The following VPS53 variants were observed in gnomAD, a reference collection of about 807,000 sequenced individuals.
The protein encoded by VPS53 is vacuolar protein sorting-associated protein 53 homolog.
Under a neutral mutation model 107.0 loss-of-function variants are expected in VPS53, and 70 were observed. The observed-to-expected ratio is 0.65, with a 90% CI of 0.54 to 0.80. The LOEUF (loss-of-function observed/expected upper bound fraction) is 0.80, where lower values mean the gene tolerates loss of function less well. Ranked by LOEUF, VPS53 falls within the 30% of genes least tolerant of loss-of-function variation. VPS53 has a pLI of 0.00. For missense variants in VPS53, 917 were observed against 1,049.4 expected (o/e 0.87, Z 1.74); for synonymous variants, 409 against 393.3 (o/e 1.04, Z -0.47).
Position 519,040 on chromosome 17 carries a change from A to C in VPS53, c.*88T>G. ...GAAGTTTGAAGACCGACGATGTGAG[A>C]GTGCCGGGGAGCACAGGAGAGGTTG... On this transcript the variant is annotated 3_prime_UTR_variant, in exon 22 of 22. Coordinates refer to ENST00000437048, the MANE Select transcript of VPS53 (RefSeq NM_001128159.3). The surrounding 1 kb of genome is among the most constrained non-coding windows in gnomAD (Gnocchi z 5.0). 7.3e-7 allele frequency: 1 copy of C among 1,360,578 alleles called. No individual in the cohort carries two copies. Among genetic ancestry groups the C allele is most frequent in the Admixed American group, 3.1e-5 (1 of 31,876 alleles). The allele number at this position is 1,360,578 out of a possible 1,614,324, so 84.3% of individuals were successfully genotyped here.
At chr17:545,547 C>G (rs1597275169) in intron 17 of VPS53, among the ~76,000 whole-genome samples, 1 of 152,370 alleles carries the variant, frequency 6.6e-6, no homozygotes, top group East Asian at 1.9e-4. Context: ...CTCCACCTGG[C>G]TACCTCTGCT....
intron 15 of VPS53, among the ~76,000 whole-genome samples, chr17:559,501 CA>C (rs1293804499): frequency 2.0e-5 from 3 of 152,216 alleles, no homozygotes; most frequent in Non-Finnish European, 4.4e-5. Context: ...CCTGGAAGGT[CA>C]TGACCTTCGC....
At chr17:548,413 C>T (rs1911448856) in intron 17 of VPS53, among the ~76,000 whole-genome samples, 1 of 149,706 alleles carries the variant, frequency 6.7e-6, no homozygotes, top group Admixed American at 6.6e-5. Flanking sequence ...CCACTTTGGC[C>T]AGCCAACAGT....
chr17:703,829 C>T (rs546509762), intron 2 of VPS53, among the ~76,000 whole-genome samples: 1 of 148,568 alleles, frequency 6.7e-6, no homozygotes, highest in Non-Finnish European at 1.5e-5. Context: ...AAGGCAGGAT[C>T]TCATTCTGTC....
intron 12 of VPS53, among the ~76,000 whole-genome samples, chr17:591,879 G>A (rs925930599): frequency 6.6e-6 from 1 of 152,188 alleles, no homozygotes; most frequent in Non-Finnish European, 1.5e-5. Context: ...TTGATTTGGG[G>A]TGGAGAGTTC....
chr17:656,700 A>ATGTGTGTG (rs34123743), intron 5 of VPS53: 8,773 of 553,674 alleles, frequency 0.016, 36 homozygotes, highest in East Asian at 0.034. Flanking sequence ...TGACTAAGAA[A>ATGTGTGTG]TGTGTGTGTG....
chr17:678,057 G>T (rs1972236833), intron 4 of VPS53, among the ~76,000 whole-genome samples: 1 of 151,934 alleles, frequency 6.6e-6, no homozygotes, highest in Non-Finnish European at 1.5e-5. Context: ...GGAGGTCGAG[G>T]CTGCAGTGAG....
chr17:656,256 G>A (rs1298294700), intron 5 of VPS53, among the ~76,000 whole-genome samples: 1 of 152,188 alleles, frequency 6.6e-6, no homozygotes, highest in Non-Finnish European at 1.5e-5. Flanking sequence ...ACAGGACAGA[G>A]GAGGTAAGCA....
At position 659,571 on chromosome 17, in the gene VPS53, G is replaced by A. The variant is rs575746935; in HGVS notation, c.372+2238C>T. ...GCTGGGATTACAGGCATGAGCCACC[G>A]TGCCCGGCTGCATCAGGGGTCTTTA... On this transcript the variant is annotated intron_variant, in intron 5 of 21. Coordinates refer to ENST00000437048, the MANE Select transcript of VPS53 (RefSeq NM_001128159.3). 4.7e-4 allele frequency among the ~76,000 whole-genome samples: 71 copies of A among 152,284 alleles called. 1 individual carries two copies. In the South Asian group the frequency reaches 0.013, roughly 28 times the overall value.
intron 19 of VPS53, chr17:532,519 C>T (rs1567602172): frequency 3.2e-6 from 1 of 307,808 alleles, no homozygotes; most frequent in Non-Finnish European, 5.4e-6. Context: ...CCAGGCCTCC[C>T]GAAATGCTGG....
At chr17:557,042 G>A (rs552523904) in intron 15 of VPS53, among the ~76,000 whole-genome samples, 28 of 151,746 alleles carry the variant, frequency 1.8e-4, no homozygotes, top group Middle Eastern at 6.8e-3. Context: ...TAGTAGAGAC[G>A]GGGTTTTGCC....
In VPS53 at chr17:684,757, C is replaced by T. The variant is rs372232978; in HGVS notation, c.285+12661G>A. Among the ~76,000 whole-genome samples, 79 of 152,080 alleles carry T rather than the reference C, an allele frequency of 5.2e-4. 2 individuals carry two copies. Among genetic ancestry groups the T allele is most frequent in the African/African-American group, 1.7e-3 (71 of 41,486 alleles). On this transcript the variant is annotated intron_variant, in intron 4 of 21. Coordinates refer to ENST00000437048, the MANE Select transcript of VPS53 (RefSeq NM_001128159.3). ...ATCCCAGCATTTTGGGAGGCCGAGG[C>T]GAGTGAATCACCGAGGTCAGGAGTT...
At chr17:641,188 A>G (rs993893927) in intron 7 of VPS53, among the ~76,000 whole-genome samples, 7 of 152,166 alleles carry the variant, frequency 4.6e-5, no homozygotes, top group Non-Finnish European at 7.3e-5. Context: ...GTGGCTATCA[A>G]TGACTCAGAT....
chr17:650,153 G>A (rs890163584), intron 7 of VPS53, among the ~76,000 whole-genome samples: 11 of 152,208 alleles, frequency 7.2e-5, no homozygotes, highest in African/African-American at 2.4e-4. Flanking sequence ...AAGGAATAAA[G>A]GAGAATAATT....
At chr17:551,690 G>T in intron 17 of VPS53, 182 bp downstream of exon 17, 1 of 425,348 alleles carries the variant, frequency 2.4e-6, no homozygotes, top group South Asian at 4.2e-5. Flanking sequence ...AAAAGGACAA[G>T]CAACTGAACT....
At chr17:657,407 G>T in intron 5 of VPS53, 1 of 837,006 alleles carries the variant, frequency 1.2e-6, no homozygotes. Context: ...TGTTCCTTAG[G>T]AAAATGATGA....
Position 532,830 on chromosome 17 carries a change from C to A in VPS53, c.2085+12G>T, listed in dbSNP as rs765662547. 4 of 1,613,648 alleles carry A rather than the reference C, an allele frequency of 2.5e-6. No homozygotes were observed. Among genetic ancestry groups the A allele is most frequent in the Non-Finnish European group, 3.4e-6 (4 of 1,179,684 alleles). Reference sequence around the variant, plus strand: ...GCTGCCAGGCAAATGCCTGATACTACGTCCATCTCACCTGTTCTGCTCCCA... The same window carrying A: ...GCTGCCAGGCAAATGCCTGATACTAAGTCCATCTCACCTGTTCTGCTCCCA... On this transcript the variant is annotated intron_variant, in intron 19 of 21. Transcript: ENST00000437048.
intron 6 of VPS53, 52 bp from the exon 7 acceptor site, chr17:653,462 A>G (rs1435583944): frequency 6.2e-7 from 1 of 1,611,966 alleles, no homozygotes; most frequent in South Asian, 1.1e-5. Flanking sequence ...AAGACGCAAG[A>G]TACAGACACA....
At chr17:610,093 T>G (rs2143012394) in intron 11 of VPS53, among the ~76,000 whole-genome samples, 1 of 149,430 alleles carries the variant, frequency 6.7e-6, no homozygotes, top group African/African-American at 2.5e-5. Context: ...ATCGCGCCAC[T>G]GCACTCGAGC....
Sources: allele counts gnomAD v4.1 joint callset (sites outside exome capture counted in the v4.1 genomes callset), GRCh38; gene constraint gnomAD v4.1.1; non-coding constraint Gnocchi (gnomAD v3.1); transcripts MANE v1.5; gene names NCBI Gene and HGNC (gene_info 2026-07-23, HGNC 2026-07-21).